The following OR3A3 variants were observed in gnomAD, a reference collection of about 807,000 sequenced individuals.
OR3A3 encodes olfactory receptor 3A3.
For synonymous variants in OR3A3, 103 were observed against 163.9 expected (o/e 0.63, Z 2.84); for missense variants, 275 against 391.4 (o/e 0.70, Z 2.51).
rs748426050 is a variant in OR3A3, at chr17:3,420,977, A to G, written c.392A>G (p.Gln131Arg). The stretch of plus-strand genomic sequence containing the variant: ...TATGACCGACTCCTGGCCATCTGCC[A>G]GCCCCTCACCTACAGCACCCGCATG... The change falls in exon 3 of 3, where the codon CAG becomes CGG. Residue 131 changes from glutamine (Q) to arginine (R), a missense_variant. By Grantham distance (43) the Gln-to-Arg change is conservative (BLOSUM62 1). Transcript: ENST00000641141. 1.1e-5 allele frequency: 17 copies of G among 1,613,326 alleles called. No homozygotes were observed. The East Asian group carries it at 2.5e-4, about 23-fold the overall frequency.
chr17:3,422,802 G>A (rs1403860550), exon 3 of OR3A3: 5 of 152,632 alleles, frequency 3.3e-5, no homozygotes, highest in Non-Finnish European at 7.3e-5. Context: ...AGGATGGGCT[G>A]AGATAAGGTT....
At chr17:3,414,032 G>C (rs1281480805) in intron 2 of OR3A3, among the ~76,000 whole-genome samples, 1 of 152,026 alleles carries the variant, frequency 6.6e-6, no homozygotes, top group Non-Finnish European at 1.5e-5. Flanking sequence ...TGAGATGCAC[G>C]TTATCCACAT....
intron 2 of OR3A3, among the ~76,000 whole-genome samples, chr17:3,413,980 C>CA (rs1426992023): frequency 6.6e-6 from 1 of 152,178 alleles, no homozygotes; most frequent in African/African-American, 2.4e-5. Flanking sequence ...GTCATCGAGA[C>CA]AGCCTCACAT....
At position 3,418,185 on chromosome 17, in the gene OR3A3, T is replaced by C. The variant is rs551459362; in HGVS notation, c.-6-2395T>C. On this transcript the variant is annotated intron_variant, in intron 2 of 2. Coordinates refer to ENST00000641141, the Ensembl canonical transcript of OR3A3. The stretch of plus-strand genomic sequence containing the variant: ...ATTTTTCTTCTGAGTGTTTGTAGTC[T>C]AGCATTTGTTTGTCCTAGTTTCTCT... Among the ~76,000 whole-genome samples, 36 of 152,220 alleles carry C rather than the reference T, an allele frequency of 2.4e-4. 1 individual carries two copies. The highest frequency in any genetic ancestry group is 5.9e-5 in the Non-Finnish European group (4 of 68,030).
At chr17:3,421,603 T>C in exon 3 of OR3A3, 7 of 1,498,534 alleles carry the variant, frequency 4.7e-6, no homozygotes, top group Non-Finnish European at 6.3e-6. Flanking sequence ...CCAACAAACC[T>C]TGTTTATAAC....
At chr17:3,420,084 T>C (rs776238199) in intron 2 of OR3A3, among the ~76,000 whole-genome samples, 8 of 152,156 alleles carry the variant, frequency 5.3e-5, no homozygotes, top group Non-Finnish European at 1.0e-4. Context: ...TATCTTAATC[T>C]CACTATATTC....
chr17:3,422,248 G>C (rs1049120395), exon 3 of OR3A3: 1 of 152,176 alleles, frequency 6.6e-6, no homozygotes, highest in African/African-American at 2.4e-5. Context: ...AACAGGTGGG[G>C]TCTAGAGAAG....
chr17:3,420,256 G>T (rs1043090286), intron 2 of OR3A3, among the ~76,000 whole-genome samples: 5 of 151,970 alleles, frequency 3.3e-5, no homozygotes, highest in African/African-American at 1.2e-4. Flanking sequence ...CCCCCTTCCG[G>T]CAAGAGCAAC....
intron 2 of OR3A3, among the ~76,000 whole-genome samples, chr17:3,413,838 C>A (rs1399355057): frequency 2.4e-4 from 33 of 140,356 alleles, no homozygotes; most frequent in African/African-American, 7.9e-4. Context: ...AACAAAAAAA[C>A]AAAAAACAAA....
chr17:3,423,007 G>C (rs915558543), exon 3 of OR3A3: 1 of 152,302 alleles, frequency 6.6e-6, no homozygotes, highest in East Asian at 1.9e-4. Flanking sequence ...GCTCTTGGGT[G>C]TCCAGACACT....
chr17:3,420,944 C>A (rs1000128601), exon 3 of OR3A3: 1 of 1,611,684 alleles, frequency 6.2e-7, no homozygotes, highest in Non-Finnish European at 8.5e-7. Context: ...CTGCTGACCG[C>A]CATGGCCTAT....
chr17:3,417,679 T>C (rs1388624267), intron 2 of OR3A3, among the ~76,000 whole-genome samples: 1 of 152,224 alleles, frequency 6.6e-6, no homozygotes, highest in African/African-American at 2.4e-5. Flanking sequence ...TAGAAAATTC[T>C]TTGGTTACAT....
intron 2 of OR3A3, among the ~76,000 whole-genome samples, chr17:3,413,846 A>C (rs1217418556): frequency 1.9e-5 from 2 of 106,898 alleles, no homozygotes; most frequent in African/African-American, 4.9e-5. Flanking sequence ...AACAAAAAAC[A>C]AAAAAAAAAA....
intron 2 of OR3A3, among the ~76,000 whole-genome samples, chr17:3,414,734 G>T (rs1251551254): frequency 3.3e-5 from 5 of 152,066 alleles, no homozygotes; most frequent in Non-Finnish European, 4.4e-5. Flanking sequence ...TGGTTGACAG[G>T]AAGTAAAATA....
intron 2 of OR3A3, among the ~76,000 whole-genome samples, chr17:3,416,304 C>G (rs1212544979): frequency 6.6e-6 from 1 of 152,060 alleles, no homozygotes. Flanking sequence ...TTGAACTAAC[C>G]TGGCATTCCT....
chr17:3,414,329 CCA>C (rs2072378763), intron 2 of OR3A3, among the ~76,000 whole-genome samples: 1 of 152,278 alleles, frequency 6.6e-6, no homozygotes, highest in South Asian at 2.1e-4. Flanking sequence ...CCTCGGCCTC[CCA>C]CAGTGCTGGG....
At chr17:3,421,118 A>T (rs761505550) in exon 3 of OR3A3, 1 of 1,614,064 alleles carries the variant, frequency 6.2e-7, no homozygotes, top group South Asian at 1.1e-5. Context: ...AATGAGGTCA[A>T]TCACTTCTAC....
At chr17:3,411,980 G>C (rs2072364851) in exon 2 of OR3A3, 1 of 151,768 alleles carries the variant, frequency 6.6e-6, no homozygotes, top group African/African-American at 2.4e-5. Flanking sequence ...TCTCCTAGGA[G>C]AGCCAGTTTC....
intron 2 of OR3A3, among the ~76,000 whole-genome samples, chr17:3,414,032 G>A (rs1281480805): frequency 6.6e-6 from 1 of 152,026 alleles, no homozygotes; most frequent in Non-Finnish European, 1.5e-5. Flanking sequence ...TGAGATGCAC[G>A]TTATCCACAT....
Sources: gnomAD v4.1 joint callset for allele counts (sites outside exome capture counted in the v4.1 genomes callset) on GRCh38, gnomAD v4.1.1 for gene constraint, MANE v1.5 for transcripts, NCBI Gene and HGNC (gene_info 2026-07-23, HGNC 2026-07-21) for gene names.